Variants in TYR observed in about 807,000 individuals in gnomAD.
The protein encoded by TYR is LB24-AB.
TYR carries 58 observed loss-of-function variants against 51.5 expected under a neutral mutation model. The observed-to-expected ratio is 1.13, with a 90% CI of 0.91 to 1.40. The LOEUF (loss-of-function observed/expected upper bound fraction) is 1.40. TYR is among the 40% of genes most tolerant of loss of function. The pLI, the probability that TYR is intolerant of heterozygous loss-of-function variation, is 0.00. For missense variants in TYR, 732 were observed against 647.4 expected, an observed-to-expected ratio of 1.13 and a Z score of -1.42; for synonymous variants, 263 against 235.2, an observed-to-expected ratio of 1.12 and a Z score of -1.08.
chr11:89,259,734 C>T (rs1023510068), intron 3 of TYR, among the ~76,000 whole-genome samples: 1 of 152,060 alleles, frequency 6.6e-6, no homozygotes, highest in African/African-American at 2.4e-5. Flanking sequence ...CACATCTTTC[C>T]TTCCAAGCTG....
chr11:89,265,472 G>A (rs1263750571), intron 3 of TYR, among the ~76,000 whole-genome samples: 2 of 152,014 alleles, frequency 1.3e-5, no homozygotes, highest in East Asian at 3.9e-4. Flanking sequence ...CTCATTTCAT[G>A]AATTTTACTA....
chr11:89,266,407 T>G lies in TYR; in HGVS notation c.1185-18366T>G, dbSNP rs191033612. 1.8e-3 allele frequency among the ~76,000 whole-genome samples: 268 copies of G among 152,042 alleles called. 1 individual carries two copies. The highest frequency in any genetic ancestry group is 6.1e-3 in the African/African-American group (254 of 41,520). On this transcript the variant is annotated intron_variant, in intron 3 of 4. Coordinates refer to ENST00000263321, the MANE Select transcript of TYR (RefSeq NM_000372.5). ...TCTCTGTGTTCACATATTTTTTACT[T>G]TCTTTGCTTTCTTGTCTTATCTACA...
intron 2 of TYR, among the ~76,000 whole-genome samples, chr11:89,215,426 G>A (rs1012436015): frequency 3.9e-5 from 6 of 152,124 alleles, no homozygotes; most frequent in Non-Finnish European, 5.9e-5. Context: ...TTTAAATAAC[G>A]AGCTGATGGG....
intron 1 of TYR, 41 bp downstream of exon 1, chr11:89,178,813 C>T (rs751422747): frequency 6.3e-5 from 100 of 1,598,290 alleles, no homozygotes; most frequent in Non-Finnish European, 8.3e-5. Context: ...TAGGGAGGAA[C>T]CTTAACAATC....
intron 2 of TYR, among the ~76,000 whole-genome samples, chr11:89,213,244 G>C (rs543105599): frequency 6.6e-6 from 1 of 152,224 alleles, no homozygotes; most frequent in Admixed American, 6.5e-5. Context: ...AAAAGTCTCA[G>C]GATACAAAAT....
rs192564642 is a variant in TYR, at chr11:89,280,461, G to T, written c.1185-4312G>T. ...TATACAACACTGTTGGAGTGTTTTT[G>T]ATTTCTAGGCTTTCTTTCAATTTTT... On this transcript the variant is annotated intron_variant, in intron 3 of 4. Transcript: ENST00000263321. Among the ~76,000 whole-genome samples, 33 of 151,320 alleles carry T rather than the reference G, an allele frequency of 2.2e-4. 1 individual carries two copies. The highest frequency in any genetic ancestry group is 6.3e-4 in the African/African-American group (26 of 41,396).
intron 2 of TYR, among the ~76,000 whole-genome samples, chr11:89,205,872 G>A (rs1205429946): frequency 2.6e-5 from 4 of 152,046 alleles, no homozygotes; most frequent in Non-Finnish European, 5.9e-5. Flanking sequence ...AAAATTTTAT[G>A]TCATTCATCT....
rs574548332 is a variant in TYR at position 89,256,789 on chromosome 11, G to A, written c.1185-27984G>A. Among the ~76,000 whole-genome samples, 69 of 151,956 alleles carry A rather than the reference G, an allele frequency of 4.5e-4. 1 individual carries two copies. In the East Asian group the frequency reaches 0.011, roughly 25 times the overall value. Reference sequence around the variant, plus strand: ...CTGAAGAGGGGACACTGTTTATTTAGTAGTGATATCTCATATCACCTGACA... The same window carrying A: ...CTGAAGAGGGGACACTGTTTATTTAATAGTGATATCTCATATCACCTGACA... On this transcript the variant is annotated intron_variant, in intron 3 of 4. Coordinates refer to ENST00000263321, the MANE Select transcript of TYR (RefSeq NM_000372.5).
intron 3 of TYR, among the ~76,000 whole-genome samples, chr11:89,257,410 A>G (rs1944406553): frequency 6.6e-6 from 1 of 152,016 alleles, no homozygotes. Flanking sequence ...ATGTCCCAAA[A>G]GCCATTTCTG....
In TYR at chr11:89,234,413, C is replaced by T. The variant is rs1183644528; in HGVS notation, c.1184+6443C>T. On this transcript the variant is annotated intron_variant, in intron 3 of 4. Transcript: ENST00000263321. Reference sequence around the variant, plus strand: ...TTATTGTGTGTGTTTACTGGAGTAGCACTTTGCATTTCCTTCAAGAACTTT... The same window carrying T: ...TTATTGTGTGTGTTTACTGGAGTAGTACTTTGCATTTCCTTCAAGAACTTT... Among the ~76,000 whole-genome samples the T allele has an allele frequency of 2.8e-5, 4 of 143,890 alleles. 1 individual carries two copies. Among genetic ancestry groups the T allele is most frequent in the African/African-American group, 8.2e-5 (3 of 36,566 alleles). 94.4% of individuals were successfully genotyped at this position (143,890 alleles called of 152,430 possible).
intron 2 of TYR, among the ~76,000 whole-genome samples, chr11:89,219,490 T>C (rs1943879698): frequency 6.6e-6 from 1 of 151,900 alleles, no homozygotes; most frequent in Non-Finnish European, 1.5e-5. Context: ...AGAGACACCA[T>C]GTTGGCCAGG....
At chr11:89,258,697 G>A (rs1944423319) in intron 3 of TYR, among the ~76,000 whole-genome samples, 1 of 152,080 alleles carries the variant, frequency 6.6e-6, no homozygotes, top group Non-Finnish European at 1.5e-5. Flanking sequence ...ACATTTAATT[G>A]TAAACAATGT....
At chr11:89,284,448 A>G (rs1944757009) in intron 3 of TYR, among the ~76,000 whole-genome samples, 2 of 151,778 alleles carry the variant, frequency 1.3e-5, no homozygotes, top group Non-Finnish European at 2.9e-5. Flanking sequence ...TTTAATTTAC[A>G]ACTATGACTC....
intron 1 of TYR, among the ~76,000 whole-genome samples, chr11:89,189,075 C>A (rs1359722111): frequency 1.3e-5 from 2 of 151,914 alleles, no homozygotes; most frequent in Non-Finnish European, 2.9e-5. Context: ...AACCTAGAAC[C>A]TACTTTTAAA....
chr11:89,294,811 G>A (rs1197418947), intron 4 of TYR, among the ~76,000 whole-genome samples: 1 of 152,160 alleles, frequency 6.6e-6, no homozygotes, highest in East Asian at 1.9e-4. Flanking sequence ...AATCGGAATA[G>A]TTACAACATC....
In TYR at chr11:89,284,490, T is replaced by C. The variant is rs761274350; in HGVS notation, c.1185-283T>C. ...CACTCAACCAATAGTTACCTTTATTTTGCAGCATTCTGGAGGTTCAAAACT... is the reference window on the plus strand; with the variant it reads ...CACTCAACCAATAGTTACCTTTATTCTGCAGCATTCTGGAGGTTCAAAACT... On this transcript the variant is annotated intron_variant, in intron 3 of 4. Coordinates refer to ENST00000263321, the MANE Select transcript of TYR (RefSeq NM_000372.5). Among the ~76,000 whole-genome samples the C allele has an allele frequency of 7.3e-4, 111 of 152,002 alleles. 1 individual carries two copies. In the Middle Eastern group the frequency reaches 0.014, roughly 19 times the overall value.
chr11:89,178,551 T>C lies in TYR; in HGVS notation c.598T>C (p.Phe200Leu). Residue 200 changes from phenylalanine to leucine, a missense_variant, in exon 1 of 5, where the codon TTT (phenylalanine) becomes CTT (leucine). Phe to Leu is a conservative substitution (Grantham distance 22). Transcript: ENST00000263321. Reference protein sequence around the residue: ...GGSEIWRDIDFAHEAPAFLPW... With the variant: ...GGSEIWRDIDLAHEAPAFLPW... The stretch of plus-strand genomic sequence containing the variant: ...ATCTGAAATCTGGAGAGACATTGAT[T>C]TTGCCCATGAAGCACCAGCTTTTCT... 6.2e-7 allele frequency: 1 copy of C among 1,614,132 alleles called. No homozygotes were observed. Among genetic ancestry groups the C allele is most frequent in the South Asian group, 1.1e-5 (1 of 91,076 alleles).
At chr11:89,280,120 G>A (rs962948953) in intron 3 of TYR, among the ~76,000 whole-genome samples, 8 of 151,404 alleles carry the variant, frequency 5.3e-5, no homozygotes, top group South Asian at 2.1e-4. Context: ...GGTGGTTGTC[G>A]TTTCTTTGAA....
chr11:89,234,757 T>TCCACTCC (rs1944089538), intron 3 of TYR, among the ~76,000 whole-genome samples: 1 of 151,998 alleles, frequency 6.6e-6, no homozygotes, highest in Admixed American at 6.6e-5. Context: ...TTGGCACTGT[T>TCCACTCC]TGTGGTGTCC....
Sources: gnomAD v4.1 joint callset for allele counts (sites outside exome capture counted in the v4.1 genomes callset) on GRCh38, gnomAD v4.1.1 for gene constraint, MANE v1.5 for transcripts, NCBI Gene and HGNC (gene_info 2026-07-23, HGNC 2026-07-21) for gene names.